Variants in PDGFC observed in about 807,000 individuals in gnomAD.
The protein encoded by PDGFC is platelet derived growth factor C, also known as platelet-derived growth factor C.
In PDGFC, 12 loss-of-function variants were observed where a neutral mutation model predicts 35.5. That is an observed-to-expected ratio of 0.34 (90% confidence interval 0.22 to 0.55). The LOEUF is 0.55. PDGFC is among the 20% of genes least tolerant of loss of function. The probability of loss-of-function intolerance (pLI) is 0.91; values close to 1 mark genes in which losing one functional copy is unlikely to be tolerated. For missense variants in PDGFC, 322 were observed against 412.4 expected (o/e 0.78, Z 1.90); for synonymous variants, 159 against 148.8 (o/e 1.07, Z -0.50).
intron 3 of PDGFC, among the ~76,000 whole-genome samples, chr4:156,781,738 C>T (rs972297775): frequency 1.3e-5 from 2 of 152,096 alleles, no homozygotes; most frequent in African/African-American, 4.8e-5. Context: ...ACATGGTGAA[C>T]ACCTCATTTA....
At chr4:156,894,702 C>G (rs1730588967) in intron 1 of PDGFC, among the ~76,000 whole-genome samples, 1 of 152,086 alleles carries the variant, frequency 6.6e-6, no homozygotes, top group Non-Finnish European at 1.5e-5. Flanking sequence ...TGGGATTCCA[C>G]TGCATAGGAA....
intron 1 of PDGFC, among the ~76,000 whole-genome samples, chr4:156,868,219 C>T (rs1013575528): frequency 1.3e-5 from 2 of 152,296 alleles, no homozygotes; most frequent in Admixed American, 6.5e-5. Flanking sequence ...TGTCACAAAT[C>T]TGAAAGTTTT....
At chr4:156,963,463 T>C (rs1285250674) in intron 1 of PDGFC, among the ~76,000 whole-genome samples, 1 of 151,462 alleles carries the variant, frequency 6.6e-6, no homozygotes, top group African/African-American at 2.4e-5. Context: ...AGTGAAACCA[T>C]GTCTCAAAAA....
intron 3 of PDGFC, chr4:156,778,250 C>A: frequency 2.8e-6 from 1 of 354,188 alleles, no homozygotes; most frequent in South Asian, 2.2e-5. Context: ...TTTTCTCTTG[C>A]CAAAACGAGA....
At chr4:156,872,492 A>T (rs1730008879) in intron 1 of PDGFC, among the ~76,000 whole-genome samples, 1 of 152,148 alleles carries the variant, frequency 6.6e-6, no homozygotes, top group Non-Finnish European at 1.5e-5. Flanking sequence ...AGGGCCCCGG[A>T]CCCTTAGTAC....
intron 1 of PDGFC, among the ~76,000 whole-genome samples, chr4:156,905,608 A>G (rs570569256): frequency 6.6e-6 from 1 of 152,170 alleles, no homozygotes; most frequent in African/African-American, 2.4e-5. Flanking sequence ...CATTTTCCAA[A>G]CTATCAAGCA....
intron 1 of PDGFC, among the ~76,000 whole-genome samples, chr4:156,951,494 C>G (rs1732081013): frequency 6.6e-6 from 1 of 151,658 alleles, no homozygotes; most frequent in Non-Finnish European, 1.5e-5. Flanking sequence ...AAAGGCAGGT[C>G]TCCCCTTTGA....
In PDGFC at chr4:156,970,925, T is replaced by C; in HGVS notation, c.-22A>G. 1.3e-6 allele frequency: 2 copies of C among 1,516,386 alleles called. No individual in the cohort carries two copies. Among genetic ancestry groups the C allele is most frequent in the South Asian group, 1.1e-5 (1 of 88,936 alleles). 93.9% of individuals were successfully genotyped at this position (1,516,386 alleles called of 1,614,324 possible). A position where few individuals can be genotyped will look rare whatever the true frequency, so the allele number is the denominator to read the frequency against. ...TCATTTGGCTGACTGGGGTGAGAGC[T>C]CACTCACGGCGGGCACTTTGGAAGC... On this transcript the variant is annotated 5_prime_UTR_variant, in exon 1 of 6. Transcript: ENST00000502773.
chr4:156,907,612 T>A (rs892266206), intron 1 of PDGFC, among the ~76,000 whole-genome samples: 2 of 152,126 alleles, frequency 1.3e-5, no homozygotes, highest in African/African-American at 4.8e-5. Context: ...GACTTGTGTG[T>A]CAAATCTCAG....
chr4:156,926,635 C>CTCCATG (rs1239359088), intron 1 of PDGFC, among the ~76,000 whole-genome samples: 2 of 152,232 alleles, frequency 1.3e-5, no homozygotes, highest in Non-Finnish European at 2.9e-5. Flanking sequence ...TCTCCTTTGA[C>CTCCATG]TCCATGTCTC....
chr4:156,817,482 C>T (rs564560815), intron 2 of PDGFC, among the ~76,000 whole-genome samples: 1 of 151,972 alleles, frequency 6.6e-6, no homozygotes, highest in Non-Finnish European at 1.5e-5. Context: ...TAAGAAAATG[C>T]AAAGTATCAA....
chr4:156,883,318 T>A (rs561559425), intron 1 of PDGFC, among the ~76,000 whole-genome samples: 1 of 152,286 alleles, frequency 6.6e-6, no homozygotes, highest in East Asian at 1.9e-4. Flanking sequence ...TTGATTATAC[T>A]CAATGGAAAG....
intron 1 of PDGFC, among the ~76,000 whole-genome samples, chr4:156,965,091 C>T (rs1732434393): frequency 6.6e-6 from 1 of 152,168 alleles, no homozygotes; most frequent in Non-Finnish European, 1.5e-5. Flanking sequence ...TAATCTTTAT[C>T]AAGAGTAAAA....
intron 1 of PDGFC, among the ~76,000 whole-genome samples, chr4:156,908,905 A>C (rs1730978697): frequency 6.6e-6 from 1 of 152,200 alleles, no homozygotes; most frequent in Non-Finnish European, 1.5e-5. Context: ...TCAGCCATAA[A>C]AAGGAAGAAA....
chr4:156,799,130 T>C (rs980749594), intron 3 of PDGFC, among the ~76,000 whole-genome samples: 2 of 152,196 alleles, frequency 1.3e-5, no homozygotes, highest in Admixed American at 1.3e-4. Context: ...AGATAATTCA[T>C]GTACTCCTTT....
intron 3 of PDGFC, among the ~76,000 whole-genome samples, chr4:156,810,161 A>G (rs2110942493): frequency 6.6e-6 from 1 of 151,900 alleles, no homozygotes; most frequent in Admixed American, 6.6e-5. Context: ...TATCATTAAC[A>G]TTTTTCATTT....
rs1425486 is a variant in PDGFC at position 156,762,533 on chromosome 4, C to T, written c.*557G>A. On this transcript the variant is annotated 3_prime_UTR_variant, in exon 6 of 6. Coordinates refer to ENST00000502773, the MANE Select transcript of PDGFC (RefSeq NM_016205.3). ...AAAAATCCAGTCTGTCCTATCAGCA[C>T]GACACAAGTTTAATTCATAGCAACA... The T allele has an allele frequency of 0.46, 69,657 of 151,456 alleles. 19,122 individuals are homozygous for T. Among genetic ancestry groups the T allele is most frequent in the African/African-American group, 0.77 (31,836 of 41,334 alleles). 9.4% of individuals were successfully genotyped at this position (151,456 alleles called of 1,614,324 possible).
chr4:156,765,036 T>C (rs955948037), intron 5 of PDGFC, among the ~76,000 whole-genome samples: 4 of 152,214 alleles, frequency 2.6e-5, no homozygotes, highest in Admixed American at 6.5e-5. Flanking sequence ...CTAGCATGCA[T>C]ATGCCAAGAT....
At chr4:156,946,261 A>G (rs1256479239) in intron 1 of PDGFC, among the ~76,000 whole-genome samples, 1 of 152,058 alleles carries the variant, frequency 6.6e-6, no homozygotes, top group East Asian at 1.9e-4. Context: ...TCTACCACCT[A>G]GAATATGGAC....
Sources: allele counts gnomAD v4.1 joint callset (sites outside exome capture counted in the v4.1 genomes callset), GRCh38; gene constraint gnomAD v4.1.1; transcripts MANE v1.5; gene names NCBI Gene and HGNC (gene_info 2026-07-23, HGNC 2026-07-21).